The following FILIP1L variants were observed in gnomAD, a reference collection of about 807,000 sequenced individuals.
FILIP1L encodes filamin A-interacting protein 1-like.
In FILIP1L, 55 loss-of-function variants were observed where a neutral mutation model predicts 96.6. The ratio of observed to expected loss-of-function variants is 0.57; its 90% CI spans 0.46 to 0.71. FILIP1L has a LOEUF of 0.71. Ranked by LOEUF, FILIP1L falls within the 30% of genes least tolerant of loss-of-function variation. The pLI is 0.00. For synonymous variants in FILIP1L, 467 were observed against 473.9 expected (o/e 0.99, Z 0.19); for missense variants, 1,304 against 1,321.2 (o/e 0.99, Z 0.20).
intron 1 of FILIP1L, among the ~76,000 whole-genome samples, chr3:99,953,875 G>A (rs1708247363): frequency 6.6e-6 from 1 of 152,216 alleles, no homozygotes; most frequent in African/African-American, 2.4e-5. Flanking sequence ...GCCCATGCTG[G>A]AGGCAGAAGG....
intron 4 of FILIP1L, among the ~76,000 whole-genome samples, chr3:99,853,353 A>G (rs1943799742): frequency 6.6e-6 from 1 of 152,254 alleles, no homozygotes; most frequent in Non-Finnish European, 1.5e-5. Flanking sequence ...ACAGTTTCAC[A>G]AAAGCTTTTA....
In FILIP1L at chr3:99,850,502, T is replaced by C; in HGVS notation, c.1174A>G (p.Met392Val). 6.2e-7 allele frequency: 1 copy of C among 1,613,136 alleles called. No individual in the cohort carries two copies. The highest frequency in any genetic ancestry group is 8.5e-7 in the Non-Finnish European group (1 of 1,179,846). Residue 392 changes from methionine to valine, a missense_variant, in exon 5 of 6, where the codon ATG becomes GTG. By Grantham distance (21) the Met-to-Val change is conservative. Coordinates refer to ENST00000477258, the MANE Select transcript of FILIP1L (RefSeq NM_001387850.1). ...TTGAGATCTCTGCACTGCTCCTCCA[T>C]TTTTATGAGCTCTTCATCTTTCCCT... The part of the protein sequence containing the change: ...MEGKDEELIK[M>V]EEQCRDLNKR...
chr3:99,901,997 A>G (rs1318603110), intron 4 of FILIP1L, among the ~76,000 whole-genome samples: 1 of 152,172 alleles, frequency 6.6e-6, no homozygotes, highest in Non-Finnish European at 1.5e-5. Context: ...TTTTTCATTA[A>G]TTTCCTATAA....
At chr3:99,974,838 G>T (rs1413561621) in intron 1 of FILIP1L, among the ~76,000 whole-genome samples, 2 of 152,176 alleles carry the variant, frequency 1.3e-5, no homozygotes, top group Non-Finnish European at 2.9e-5. Context: ...CTTAGGAGAT[G>T]AACATTTCCA....
At chr3:100,009,245 A>T (rs1266664470) in intron 1 of FILIP1L, among the ~76,000 whole-genome samples, 2 of 152,186 alleles carry the variant, frequency 1.3e-5, no homozygotes, top group African/African-American at 4.8e-5. Context: ...TATTATCAAG[A>T]ATATAAGATC....
intron 1 of FILIP1L, among the ~76,000 whole-genome samples, chr3:99,970,539 A>G (rs1708782514): frequency 6.6e-6 from 1 of 152,194 alleles, no homozygotes; most frequent in African/African-American, 2.4e-5. Flanking sequence ...CTTTCTCTAC[A>G]TTTTGCCTAA....
intron 1 of FILIP1L, among the ~76,000 whole-genome samples, chr3:99,965,316 G>A (rs1396709528): frequency 6.6e-6 from 1 of 152,182 alleles, no homozygotes; most frequent in Non-Finnish European, 1.5e-5. Flanking sequence ...TATCAAGAAT[G>A]AAAGGTTGGC....
At chr3:99,883,558 A>G (rs1218242939) in intron 4 of FILIP1L, among the ~76,000 whole-genome samples, 1 of 152,174 alleles carries the variant, frequency 6.6e-6, no homozygotes, top group South Asian at 2.1e-4. Flanking sequence ...TTTTCTTACC[A>G]TTTTAGACAA....
chr3:100,102,093 G>A (rs1189236294), intron 1 of FILIP1L, among the ~76,000 whole-genome samples: 1 of 152,194 alleles, frequency 6.6e-6, no homozygotes, highest in African/African-American at 2.4e-5. Context: ...GTGTGCATGT[G>A]TCTTTATAGC....
intron 4 of FILIP1L, among the ~76,000 whole-genome samples, chr3:99,919,891 C>T (rs1022067817): frequency 1.2e-4 from 19 of 152,220 alleles, no homozygotes; most frequent in Admixed American, 1.3e-4. Flanking sequence ...GGTGACTTTC[C>T]TCCAAAGGGC....
chr3:99,887,713 GATATAC>G (rs1705953611), intron 4 of FILIP1L, among the ~76,000 whole-genome samples: 1 of 152,134 alleles, frequency 6.6e-6, no homozygotes. Context: ...GGAATACCCA[GATATAC>G]ATATAATATA....
intron 1 of FILIP1L, among the ~76,000 whole-genome samples, chr3:100,014,895 CTTTTTTTTTTTTT>C (rs1233573719): frequency 4.0e-5 from 1 of 25,008 alleles, no homozygotes; most frequent in South Asian, 2.0e-3. Context: ...TTCTTTCTTT[CTTTTTTTTTTTTT>C]TTTTTTTTTT....
At chr3:99,868,028 T>C (rs1944606084) in intron 4 of FILIP1L, among the ~76,000 whole-genome samples, 1 of 152,234 alleles carries the variant, frequency 6.6e-6, no homozygotes, top group Non-Finnish European at 1.5e-5. Context: ...GGATCTGATA[T>C]AAGCCATTTA....
chr3:99,999,875 A>G (rs1407758371), intron 1 of FILIP1L, among the ~76,000 whole-genome samples: 1 of 152,212 alleles, frequency 6.6e-6, no homozygotes, highest in Non-Finnish European at 1.5e-5. Flanking sequence ...AAAATTTAAT[A>G]GTTCAGTTTC....
chr3:99,965,219 A>G (rs1451609363), intron 1 of FILIP1L, among the ~76,000 whole-genome samples: 2 of 152,226 alleles, frequency 1.3e-5, no homozygotes, highest in Admixed American at 6.5e-5. Flanking sequence ...AAACAAATAT[A>G]TGAGTCAGGT....
intron 5 of FILIP1L, among the ~76,000 whole-genome samples, chr3:99,838,253 G>A (rs563262621): frequency 4.6e-5 from 7 of 152,254 alleles, no homozygotes; most frequent in South Asian, 2.1e-4. Flanking sequence ...AGTCTTCCCC[G>A]TGCCTGCCCA....
rs1474562637 is a variant in FILIP1L at position 99,850,584 on chromosome 3, T to G, written c.1092A>C (p.Gly364=). 10 of 1,613,828 alleles carry G rather than the reference T, an allele frequency of 6.2e-6. No individual in the cohort carries two copies. The highest frequency in any genetic ancestry group is 7.6e-6 in the Non-Finnish European group (9 of 1,180,014). The change falls in exon 5 of 6, where the codon GGA becomes GGC. Residue 364 remains glycine, a synonymous_variant. Coordinates refer to ENST00000477258, the MANE Select transcript of FILIP1L (RefSeq NM_001387850.1). ...CCACTTCAGCCATGATACCAGCGTT[T>G]CCATATTCTCCCTTACTGATTTTTT... ...IKEKISKGEY[G]NAGIMAEVEE...
Position 99,901,365 on chromosome 3 carries a change from C to T in FILIP1L, c.605+22865G>A, listed in dbSNP as rs112777134. ...GTTTGTTGTCTCAGAAGATTAATGCCAAATCCTCAAAAATGTAGTGACAAG... is the reference window on the plus strand; with the variant it reads ...GTTTGTTGTCTCAGAAGATTAATGCTAAATCCTCAAAAATGTAGTGACAAG... On this transcript the variant is annotated intron_variant, in intron 4 of 5. Transcript: ENST00000477258. Among the ~76,000 whole-genome samples the T allele has an allele frequency of 4.1e-3, 618 of 152,208 alleles. 6 individuals carry two copies. The highest frequency in any genetic ancestry group is 0.015 in the African/African-American group (602 of 41,510).
intron 1 of FILIP1L, among the ~76,000 whole-genome samples, chr3:100,099,842 G>A (rs1201262515): frequency 6.6e-6 from 1 of 152,172 alleles, no homozygotes; most frequent in Non-Finnish European, 1.5e-5. Context: ...TCATAAGTAT[G>A]CAGCGGTAGA....
Sources: allele counts gnomAD v4.1 joint callset (sites outside exome capture counted in the v4.1 genomes callset), GRCh38; gene constraint gnomAD v4.1.1; transcripts MANE v1.5; gene names NCBI Gene and HGNC (gene_info 2026-07-23, HGNC 2026-07-21).